KCNJ6: variants seen among roughly 807,000 people sequenced by gnomAD.
KCNJ6 encodes G protein-activated inward rectifier potassium channel 2.
In KCNJ6, 9 loss-of-function variants were observed where a neutral mutation model predicts 34.2. That is an observed-to-expected ratio of 0.26 (90% CI 0.16 to 0.46). The LOEUF (loss-of-function observed/expected upper bound fraction) is 0.46. Ranked by LOEUF, KCNJ6 falls within the 20% of genes least tolerant of loss-of-function variation. KCNJ6 has a pLI of 1.00. For missense variants in KCNJ6, 236 were observed against 531.3 expected, an observed-to-expected ratio of 0.44 and a Z score of 5.46; for synonymous variants, 196 against 207.1, an observed-to-expected ratio of 0.95 and a Z score of 0.46.
intron 1 of KCNJ6, among the ~76,000 whole-genome samples, chr21:37,879,168 C>A (rs868850365): frequency 6.6e-6 from 1 of 152,182 alleles, no homozygotes; most frequent in Non-Finnish European, 1.5e-5. Context: ...AGTGGTCATG[C>A]ATGAGACATA....
intron 1 of KCNJ6, among the ~76,000 whole-genome samples, chr21:37,867,957 C>A (rs117154416): frequency 0.015 from 2,307 of 152,270 alleles, 40 homozygotes; most frequent in Non-Finnish European, 0.021. Flanking sequence ...TAGCTGGGGA[C>A]AGAAAGGTCC....
intron 3 of KCNJ6, among the ~76,000 whole-genome samples, chr21:37,706,204 C>T (rs1402548321): frequency 2.0e-5 from 3 of 152,316 alleles, no homozygotes; most frequent in Non-Finnish European, 2.9e-5. Flanking sequence ...CAATCTAATA[C>T]GTGTCTGAAA....
chr21:37,815,279 T>C (rs1362770211), intron 2 of KCNJ6, among the ~76,000 whole-genome samples: 4 of 152,268 alleles, frequency 2.6e-5, no homozygotes, highest in Non-Finnish European at 5.9e-5. Context: ...TGCTGGATTG[T>C]TGTAACATAA....
chr21:37,859,220 G>A (rs1302107838), intron 1 of KCNJ6, among the ~76,000 whole-genome samples: 1 of 151,858 alleles, frequency 6.6e-6, no homozygotes, highest in African/African-American at 2.4e-5. Context: ...AAGATACATT[G>A]TTAAGTAAAA....
chr21:37,842,362 T>C lies in KCNJ6; in HGVS notation c.-27-1653A>G, dbSNP rs149396388. ...ACTTGAAATGATGTCATGGCTTGGG[T>C]GTTGTAGTAAGGATAGAAAGATCAT... is the stretch of plus-strand genomic sequence containing the variant. On this transcript the variant is annotated intron_variant, in intron 1 of 3. Coordinates refer to ENST00000609713, the MANE Select transcript of KCNJ6 (RefSeq NM_002240.5). Among the ~76,000 whole-genome samples, 492 of 152,262 alleles carry C rather than the reference T, an allele frequency of 3.2e-3. 2 individuals carry two copies. Among genetic ancestry groups the C allele is most frequent in the African/African-American group, 0.011 (474 of 41,548 alleles).
chr21:37,720,757 G>A (rs2054821696), intron 2 of KCNJ6, among the ~76,000 whole-genome samples: 1 of 150,384 alleles, frequency 6.6e-6, no homozygotes, highest in South Asian at 2.1e-4. Flanking sequence ...CCGGACTGCG[G>A]ACTGCAGTGG....
chr21:37,759,960 A>G (rs2055052126), intron 2 of KCNJ6, among the ~76,000 whole-genome samples: 1 of 152,158 alleles, frequency 6.6e-6, no homozygotes, highest in African/African-American at 2.4e-5. Context: ...CAGATGCTAC[A>G]TCGTGATGAC....
chr21:37,633,705 C>A (rs1362941282), intron 3 of KCNJ6, among the ~76,000 whole-genome samples: 1 of 150,476 alleles, frequency 6.6e-6, no homozygotes, highest in Non-Finnish European at 1.5e-5. Context: ...TTCACCATTT[C>A]CTCTAGCAAC....
chr21:37,646,300 A>C (rs2054404071), intron 3 of KCNJ6, among the ~76,000 whole-genome samples: 2 of 152,222 alleles, frequency 1.3e-5, no homozygotes, highest in Admixed American at 1.3e-4. Flanking sequence ...ACCACGCTAC[A>C]TCCCTTGGCT....
chr21:37,794,888 A>AC (rs2055233614), intron 2 of KCNJ6, among the ~76,000 whole-genome samples: 2 of 151,970 alleles, frequency 1.3e-5, no homozygotes, highest in Non-Finnish European at 2.9e-5. Context: ...TTAAAGTAAA[A>AC]TAAAAAAGAA....
chr21:37,770,420 A>G (rs925547750), intron 2 of KCNJ6, among the ~76,000 whole-genome samples: 1 of 152,158 alleles, frequency 6.6e-6, no homozygotes, highest in African/African-American at 2.4e-5. Flanking sequence ...ATCAACAGGC[A>G]AAGAAGGGGA....
intron 1 of KCNJ6, among the ~76,000 whole-genome samples, chr21:37,849,111 A>G (rs879929701): frequency 3.9e-5 from 6 of 152,186 alleles, no homozygotes; most frequent in Non-Finnish European, 7.3e-5. Context: ...TGTCCAGGTA[A>G]CTGGAGCATA....
At chr21:37,788,478 G>T (rs1265806339) in intron 2 of KCNJ6, among the ~76,000 whole-genome samples, 2 of 152,082 alleles carry the variant, frequency 1.3e-5, no homozygotes, top group African/African-American at 4.8e-5. Context: ...TGTAAAAATG[G>T]CCACAATGCT....
At position 37,815,577 on chromosome 21, in the gene KCNJ6, G is replaced by C. The variant is rs188435092; in HGVS notation, c.25+25081C>G. On this transcript the variant is annotated intron_variant, in intron 2 of 3. Coordinates refer to ENST00000609713, the MANE Select transcript of KCNJ6 (RefSeq NM_002240.5). ...CTGAGCCCCCATAGTGGGGTTCTGGGGACTTGGTCCTCCACGGAAGTCCTG... is the reference window on the plus strand; with the variant it reads ...CTGAGCCCCCATAGTGGGGTTCTGGCGACTTGGTCCTCCACGGAAGTCCTG... Among the ~76,000 whole-genome samples the C allele has an allele frequency of 5.9e-5, 9 of 152,246 alleles. No individual in the cohort carries two copies. The East Asian group carries it at 1.7e-3, about 29-fold the overall frequency.
chr21:37,696,223 A>G (rs1008487064), intron 3 of KCNJ6, among the ~76,000 whole-genome samples: 1 of 152,246 alleles, frequency 6.6e-6, no homozygotes, highest in African/African-American at 2.4e-5. Flanking sequence ...AGATATTTAC[A>G]TGGCCTCAAA....
intron 3 of KCNJ6, among the ~76,000 whole-genome samples, chr21:37,667,657 C>T (rs1290981890): frequency 1.4e-5 from 2 of 146,476 alleles, no homozygotes; most frequent in Admixed American, 6.8e-5. Context: ...TAGCAGGCGC[C>T]GGGTAGCAGG....
At chr21:37,761,627 TTG>T (rs959301495) in intron 2 of KCNJ6, among the ~76,000 whole-genome samples, 3 of 149,392 alleles carry the variant, frequency 2.0e-5, no homozygotes, top group Non-Finnish European at 3.0e-5. Context: ...TGTGTATGTG[TTG>T]TGTGTTGTGT....
intron 3 of KCNJ6, among the ~76,000 whole-genome samples, chr21:37,705,157 G>A (rs1288258538): frequency 6.6e-6 from 1 of 152,178 alleles, no homozygotes; most frequent in African/African-American, 2.4e-5. Context: ...AGCCATAGTT[G>A]TCGGTGCATT....
At chr21:37,753,913 G>C (rs890107485) in intron 2 of KCNJ6, among the ~76,000 whole-genome samples, 13 of 152,164 alleles carry the variant, frequency 8.5e-5, no homozygotes, top group African/African-American at 2.9e-4. Context: ...TCCTTGGCTA[G>C]GTCTATTACA....
Sources: gnomAD v4.1 joint callset for allele counts (sites outside exome capture counted in the v4.1 genomes callset) on GRCh38, gnomAD v4.1.1 for gene constraint, MANE v1.5 for transcripts, NCBI Gene and HGNC (gene_info 2026-07-23, HGNC 2026-07-21) for gene names.